The following PARD3B variants were observed in gnomAD, a reference collection of about 807,000 sequenced individuals.
The protein encoded by PARD3B is partitioning defective 3 homolog B.
Under a neutral mutation model 130.2 loss-of-function variants are expected in PARD3B, and 103 were observed. The observed-to-expected ratio is 0.79, with a 90% CI of 0.67 to 0.93. The LOEUF (loss-of-function observed/expected upper bound fraction) is 0.93. Ranked by LOEUF, PARD3B falls within the 40% of genes least tolerant of loss-of-function variation. The pLI, the probability that PARD3B is intolerant of heterozygous loss-of-function variation, is 0.00. For missense variants in PARD3B, 1,609 were observed against 1,499.2 expected (o/e 1.07, Z -1.21); for synonymous variants, 583 against 553.2 (o/e 1.05, Z -0.76).
chr2:204,806,231 T>C (rs1310695175), intron 2 of PARD3B, among the ~76,000 whole-genome samples: 1 of 152,152 alleles, frequency 6.6e-6, no homozygotes, highest in Non-Finnish European at 1.5e-5. Flanking sequence ...ACTACCTGAC[T>C]TCAAATTATT....
At chr2:205,106,844 GGAT>G (rs1703257746) in intron 5 of PARD3B, among the ~76,000 whole-genome samples, 1 of 152,148 alleles carries the variant, frequency 6.6e-6, no homozygotes, top group Non-Finnish European at 1.5e-5. Context: ...AGTGGGAAAA[GGAT>G]GATAACAATC....
At chr2:205,118,108 C>CCCTA (rs2030117900) in intron 6 of PARD3B, among the ~76,000 whole-genome samples, 1 of 152,196 alleles carries the variant, frequency 6.6e-6, no homozygotes, top group South Asian at 2.1e-4. Context: ...CCAAAGCCTG[C>CCCTA]CTTCATCATG....
rs2037601843 is a variant in PARD3B, at chr2:205,210,993, G to T, written c.2140+17673G>T. On this transcript the variant is annotated intron_variant, in intron 15 of 22. Transcript: ENST00000406610. ...TCATTTAAATGTTACCCTCTCTGAA[G>T]TACATGCTAATGAATACATTTGTGT... Among the ~76,000 whole-genome samples, 4 of 152,024 alleles carry T rather than the reference G, an allele frequency of 2.6e-5. No individual in the cohort carries two copies. In the South Asian group the frequency reaches 8.3e-4, roughly 31 times the overall value.
At chr2:205,110,913 G>A (rs1005440532) in intron 5 of PARD3B, among the ~76,000 whole-genome samples, 1 of 151,982 alleles carries the variant, frequency 6.6e-6, no homozygotes, top group African/African-American at 2.4e-5. Flanking sequence ...AAATAATTGT[G>A]TCCAGTCCTA....
chr2:205,056,188 A>C (rs531050609), intron 4 of PARD3B, among the ~76,000 whole-genome samples: 1 of 151,280 alleles, frequency 6.6e-6, no homozygotes, highest in East Asian at 1.9e-4. Flanking sequence ...GATTCATAGA[A>C]CTCTCTTACG....
At chr2:204,829,843 C>A (rs1187581885) in intron 2 of PARD3B, among the ~76,000 whole-genome samples, 9 of 151,694 alleles carry the variant, frequency 5.9e-5, no homozygotes, top group Admixed American at 3.3e-4. Context: ...ACTAAAAATA[C>A]AAAAAATTAG....
chr2:205,496,779 G>C (rs1284034847), intron 20 of PARD3B, among the ~76,000 whole-genome samples: 1 of 151,658 alleles, frequency 6.6e-6, no homozygotes, highest in Non-Finnish European at 1.5e-5. Flanking sequence ...TGGAAGAAAA[G>C]TGTGTTCTTA....
At chr2:205,474,943 A>C (rs1351904657) in intron 20 of PARD3B, among the ~76,000 whole-genome samples, 1 of 152,104 alleles carries the variant, frequency 6.6e-6, no homozygotes, top group Non-Finnish European at 1.5e-5. Flanking sequence ...TACCACTAGA[A>C]GTTTTCAGCT....
At chr2:205,055,395 T>C (rs1453885297) in intron 4 of PARD3B, among the ~76,000 whole-genome samples, 1 of 152,178 alleles carries the variant, frequency 6.6e-6, no homozygotes, top group Non-Finnish European at 1.5e-5. Flanking sequence ...AGAAAGAACA[T>C]TTACGACGTG....
At chr2:205,250,145 A>T (rs764427673) in intron 16 of PARD3B, among the ~76,000 whole-genome samples, 1 of 151,932 alleles carries the variant, frequency 6.6e-6, no homozygotes. Flanking sequence ...CTTTCTGTCT[A>T]CTAAAATGAC....
chr2:204,583,644 A>AG (rs2032688847), intron 1 of PARD3B, among the ~76,000 whole-genome samples: 2 of 144,768 alleles, frequency 1.4e-5, no homozygotes, highest in Admixed American at 1.4e-4. Flanking sequence ...AAAAAAAAAA[A>AG]GCAACAGAGT....
intron 3 of PARD3B, among the ~76,000 whole-genome samples, chr2:205,003,566 C>G (rs974695151): frequency 1.3e-5 from 2 of 152,148 alleles, no homozygotes; most frequent in Non-Finnish European, 2.9e-5. Flanking sequence ...TCTCAGTAAG[C>G]TCTGTTCTGA....
intron 2 of PARD3B, among the ~76,000 whole-genome samples, chr2:204,728,669 C>G (rs1341660951): frequency 1.3e-5 from 2 of 152,158 alleles, no homozygotes; most frequent in African/African-American, 4.8e-5. Context: ...AAAATTGTTA[C>G]TGTCTTCCCT....
At chr2:205,168,643 T>C (rs1427138547) in intron 11 of PARD3B, among the ~76,000 whole-genome samples, 1 of 151,134 alleles carries the variant, frequency 6.6e-6, no homozygotes. Context: ...GATGTCTAGC[T>C]AAGTAGGTAG....
At chr2:204,829,737 C>T (rs112811811) in intron 2 of PARD3B, among the ~76,000 whole-genome samples, 1 of 152,132 alleles carries the variant, frequency 6.6e-6, no homozygotes, top group East Asian at 1.9e-4. Context: ...CGGTGGCTCA[C>T]GCCTGTAATC....
intron 4 of PARD3B, among the ~76,000 whole-genome samples, chr2:205,050,189 T>C (rs979038213): frequency 6.8e-6 from 1 of 148,100 alleles, no homozygotes; most frequent in African/African-American, 2.5e-5. Context: ...TAATATATAT[T>C]AATATATAAA....
intron 1 of PARD3B, among the ~76,000 whole-genome samples, chr2:204,551,429 C>A (rs1448337470): frequency 6.6e-6 from 1 of 152,176 alleles, no homozygotes; most frequent in Non-Finnish European, 1.5e-5. Flanking sequence ...TTATTGTCAT[C>A]ATGCTTGACT....
At chr2:205,610,241 C>T (rs553636131) in intron 22 of PARD3B, among the ~76,000 whole-genome samples, 1 of 152,284 alleles carries the variant, frequency 6.6e-6, no homozygotes, top group South Asian at 2.1e-4. Context: ...CAGGACACCA[C>T]CTTGACCTCG....
chr2:204,579,149 CACA>C (rs886521869), intron 1 of PARD3B, among the ~76,000 whole-genome samples: 2 of 151,764 alleles, frequency 1.3e-5, no homozygotes, highest in South Asian at 2.1e-4. Context: ...TCATCATCAT[CACA>C]ACAACAGTAA....
Sources: gnomAD v4.1 joint callset for allele counts (sites outside exome capture counted in the v4.1 genomes callset) on GRCh38, gnomAD v4.1.1 for gene constraint, MANE v1.5 for transcripts, NCBI Gene and HGNC (gene_info 2026-07-23, HGNC 2026-07-21) for gene names.